CALHM5: variants seen among roughly 807,000 people sequenced by gnomAD.
CALHM5 encodes the protein calcium homeostasis modulator protein 5.
In CALHM5, 17 loss-of-function variants were observed where a neutral mutation model predicts 20.9. The ratio of observed to expected loss-of-function variants is 0.82; its 90% CI spans 0.56 to 1.22. The LOEUF (loss-of-function observed/expected upper bound fraction) is 1.22. Among genes scored for constraint, CALHM5 ranks in the 50% most tolerant of loss-of-function variants. The pLI, the probability that CALHM5 is intolerant of heterozygous loss-of-function variation, is 0.00. For synonymous variants in CALHM5, 148 were observed against 140.0 expected (o/e 1.06, Z -0.40); for missense variants, 360 against 364.6 (o/e 0.99, Z 0.10).
rs1772405351 is a variant in CALHM5 at position 116,524,331 on chromosome 6, T to C, written c.*8342T>C. The C allele has an allele frequency of 6.6e-6, 1 of 152,204 alleles. No individual in the cohort carries two copies. Among genetic ancestry groups the C allele is most frequent in the Admixed American group, 6.6e-5 (1 of 15,262 alleles). The allele number at this position is 152,204 out of a possible 1,614,324, so 9.4% of individuals were successfully genotyped here. A position where few individuals can be genotyped will look rare whatever the true frequency, so the allele number is the denominator to read the frequency against. The stretch of plus-strand genomic sequence containing the variant: ...AAGGTACACAACAAAATAAATGACA[T>C]GGTCACCTCAGTTATTTTGCTGAAG... On this transcript the variant is annotated 3_prime_UTR_variant, in exon 2 of 2. Coordinates refer to ENST00000368599, the MANE Select transcript of CALHM5 (RefSeq NM_153711.5).
Position 116,516,105 on chromosome 6 carries a change from C to A in CALHM5, c.*116C>A. On this transcript the variant is annotated 3_prime_UTR_variant, in exon 2 of 2. Coordinates refer to ENST00000368599, the MANE Select transcript of CALHM5 (RefSeq NM_153711.5). Reference sequence around the variant, plus strand: ...TTTTCTTACATTTGGAGTATGTTTACAAGACAATAACACAAAGGAAACTGC... The same window carrying A: ...TTTTCTTACATTTGGAGTATGTTTAAAAGACAATAACACAAAGGAAACTGC... The A allele has an allele frequency of 7.3e-7, 1 of 1,362,288 alleles. No homozygotes were observed. The highest frequency in any genetic ancestry group is 9.8e-7 in the Non-Finnish European group (1 of 1,023,194). The allele number at this position is 1,362,288 out of a possible 1,614,324, so 84.4% of individuals were successfully genotyped here. A position where few individuals can be genotyped will look rare whatever the true frequency, so the allele number is the denominator to read the frequency against.
In CALHM5 at chr6:116,522,753, GAT is replaced by G. The variant is rs1377236188; in HGVS notation, c.*6765_*6766del. ...GCTGGCCTTCAGTAAGCTGGAAAGAGATTGTTCTTCTAGTCGTCTCTCAAAAT... is the reference window on the plus strand; with the variant it reads ...GCTGGCCTTCAGTAAGCTGGAAAGAGTGTTCTTCTAGTCGTCTCTCAAAAT... On this transcript the variant is annotated 3_prime_UTR_variant, in exon 2 of 2. Coordinates refer to ENST00000368599, the MANE Select transcript of CALHM5 (RefSeq NM_153711.5). 1 of 152,150 alleles carries G rather than the reference GAT, an allele frequency of 6.6e-6. No homozygotes were observed. The highest frequency in any genetic ancestry group is 6.5e-5 in the Admixed American group (1 of 15,274). The allele number at this position is 152,150 out of a possible 1,614,324, so 9.4% of individuals were successfully genotyped here.
In CALHM5 at chr6:116,517,007, C is replaced by T. The variant is rs1006621629; in HGVS notation, c.*1018C>T. On this transcript the variant is annotated 3_prime_UTR_variant, in exon 2 of 2. Coordinates refer to ENST00000368599, the MANE Select transcript of CALHM5 (RefSeq NM_153711.5). ...TCCGAGGTCAGGCTGCCAGCATGCT[C>T]AGGTTCTGGTGAGAGCAATTTTCCA... is the stretch of plus-strand genomic sequence containing the variant. 6.5e-6 allele frequency: 1 copy of T among 152,696 alleles called. No individual in the cohort carries two copies. The highest frequency in any genetic ancestry group is 2.4e-5 in the African/African-American group (1 of 41,420). The allele number at this position is 152,696 out of a possible 1,614,324, so 9.5% of individuals were successfully genotyped here. A position where few individuals can be genotyped will look rare whatever the true frequency, so the allele number is the denominator to read the frequency against.
chr6:116,514,565 T>C (rs1772184972), intron 1 of CALHM5, among the ~76,000 whole-genome samples: 1 of 152,210 alleles, frequency 6.6e-6, no homozygotes, highest in South Asian at 2.1e-4. Flanking sequence ...TGAGTAACCC[T>C]CGTTTCACAA....
In CALHM5 at chr6:116,512,012, A is replaced by G; in HGVS notation, c.316A>G (p.Ser106Gly). ...FFYVLGQITL[S>G]SLVAPVMWLS... ...CTACGTCCTCGGCCAGATCACTCTGAGCTCATTGGTGGCTCCAGTGATGTG... is the reference window on the plus strand; with the variant it reads ...CTACGTCCTCGGCCAGATCACTCTGGGCTCATTGGTGGCTCCAGTGATGTG... The change falls in exon 1 of 2, where the codon AGC (serine) becomes GGC (glycine). Residue 106 changes from serine to glycine, a missense_variant. Physicochemically the swap from Ser to Gly is moderately conservative, Grantham distance 56. Coordinates refer to ENST00000368599, the MANE Select transcript of CALHM5 (RefSeq NM_153711.5). The G allele has an allele frequency of 6.2e-7, 1 of 1,613,974 alleles. No individual in the cohort carries two copies. The highest frequency in any genetic ancestry group is 8.5e-7 in the Non-Finnish European group (1 of 1,179,972).
At position 116,511,873 on chromosome 6, in the gene CALHM5, C is replaced by A; in HGVS notation, c.177C>A (p.Ala59=). The change falls in exon 1 of 2, where the codon GCC becomes GCA. Residue 59 remains alanine, a synonymous_variant. Coordinates refer to ENST00000368599, the MANE Select transcript of CALHM5 (RefSeq NM_153711.5). The part of the protein sequence containing the change: ...TYGLVFLFAP[A]WVLLILGFFL... ...GGCTGGTTTTCCTCTTTGCTCCTGC[C>A]TGGGTGTTACTGATCCTGGGATTCT... 6.2e-7 allele frequency: 1 copy of A among 1,614,068 alleles called. No homozygotes were observed. The highest frequency in any genetic ancestry group is 8.5e-7 in the Non-Finnish European group (1 of 1,179,996).
At position 116,511,649 on chromosome 6, in the gene CALHM5, C is replaced by T. The variant is rs749066082; in HGVS notation, c.-48C>T. On this transcript the variant is annotated 5_prime_UTR_variant, in exon 1 of 2. Transcript: ENST00000368599. ...CCACCCTCGGCCACTGCCACAGCTG[C>T]TCTGCCAATAACAAAGGCACAGCAT... is the stretch of plus-strand genomic sequence containing the variant. 6 of 1,566,818 alleles carry T rather than the reference C, an allele frequency of 3.8e-6. No individual in the cohort carries two copies. The highest frequency in any genetic ancestry group is 2.4e-5 in the South Asian group (2 of 84,924).
rs1319847920 is a variant in CALHM5, at chr6:116,519,485, C to T, written c.*3496C>T. ...CTCCAGAGGAGGTTACACTGCCGAACTGGGACATTGGCACCCTGGATTTGA... is the reference window on the plus strand; with the variant it reads ...CTCCAGAGGAGGTTACACTGCCGAATTGGGACATTGGCACCCTGGATTTGA... On this transcript the variant is annotated 3_prime_UTR_variant, in exon 2 of 2. Transcript: ENST00000368599. The T allele has an allele frequency of 6.6e-6, 1 of 152,210 alleles. No individual in the cohort carries two copies. Among genetic ancestry groups the T allele is most frequent in the Non-Finnish European group, 1.5e-5 (1 of 68,060 alleles). 9.4% of individuals were successfully genotyped at this position (152,210 alleles called of 1,614,324 possible).
chr6:116,516,190 G>T lies in CALHM5; in HGVS notation c.*201G>T, dbSNP rs961152924. 3 of 589,806 alleles carry T rather than the reference G, an allele frequency of 5.1e-6. No individual in the cohort carries two copies. The Admixed American group carries it at 1.2e-4, about 23-fold the overall frequency. The allele number at this position is 589,806 out of a possible 1,614,324, so 36.5% of individuals were successfully genotyped here. On this transcript the variant is annotated 3_prime_UTR_variant, in exon 2 of 2. Coordinates refer to ENST00000368599, the MANE Select transcript of CALHM5 (RefSeq NM_153711.5). Reference sequence around the variant, plus strand: ...CAAATTGATGCTGAGGGGTGACAAAGGTGCTCTTGCATTGGTGGAGAGGGG... The same window carrying T: ...CAAATTGATGCTGAGGGGTGACAAATGTGCTCTTGCATTGGTGGAGAGGGG...
At chr6:116,512,359 C>A in intron 1 of CALHM5, 123 bp downstream of exon 1, 1 of 1,088,358 alleles carries the variant, frequency 9.2e-7, no homozygotes, top group Non-Finnish European at 1.3e-6. Flanking sequence ...GAAACTGAAA[C>A]ATGATGCAGC....
intron 1 of CALHM5, among the ~76,000 whole-genome samples, chr6:116,512,630 A>G (rs1331760320): frequency 2.6e-5 from 4 of 152,220 alleles, no homozygotes; most frequent in African/African-American, 9.6e-5. Flanking sequence ...TGTTTTCTCA[A>G]ACACACACAT....
rs895174384 is a variant in CALHM5 at position 116,517,464 on chromosome 6, A to G, written c.*1475A>G. On this transcript the variant is annotated 3_prime_UTR_variant, in exon 2 of 2. Transcript: ENST00000368599. Reference sequence around the variant, plus strand: ...AAGAATTGTGCTTTAAAAAAGAACTATGTTTTGTGCTGTGGCTCATACCTT... The same window carrying G: ...AAGAATTGTGCTTTAAAAAAGAACTGTGTTTTGTGCTGTGGCTCATACCTT... 6.6e-6 allele frequency: 1 copy of G among 152,136 alleles called. No homozygotes were observed. Among genetic ancestry groups the G allele is most frequent in the Non-Finnish European group, 1.5e-5 (1 of 68,002 alleles). 9.4% of individuals were successfully genotyped at this position (152,136 alleles called of 1,614,324 possible).
Position 116,511,993 on chromosome 6 carries a change from C to T in CALHM5, c.297C>T (p.Val99=). ...GCCACAGCTGCCGTTTCTTCTACGT[C>T]CTCGGCCAGATCACTCTGAGCTCAT... ...PRGHSCRFFY[V]LGQITLSSLV... is the part of the protein sequence containing the mutation. Residue 99 remains valine (V), a synonymous_variant, in exon 1 of 2, where the codon GTC becomes GTT. Coordinates refer to ENST00000368599, the MANE Select transcript of CALHM5 (RefSeq NM_153711.5). 6.2e-7 allele frequency: 1 copy of T among 1,614,046 alleles called. No individual in the cohort carries two copies. Among genetic ancestry groups the T allele is most frequent in the Non-Finnish European group, 8.5e-7 (1 of 1,179,986 alleles).
chr6:116,513,064 T>C (rs1352580137), intron 1 of CALHM5, among the ~76,000 whole-genome samples: 1 of 152,118 alleles, frequency 6.6e-6, no homozygotes, highest in African/African-American at 2.4e-5. Flanking sequence ...CATTTATAGG[T>C]AGTAAGAATT....
chr6:116,524,341 A>C lies in CALHM5; in HGVS notation c.*8352A>C, dbSNP rs1772405526. ...ACAAAATAAATGACATGGTCACCTC[A>C]GTTATTTTGCTGAAGTTTTGTCAAT... On this transcript the variant is annotated 3_prime_UTR_variant, in exon 2 of 2. Coordinates refer to ENST00000368599, the MANE Select transcript of CALHM5 (RefSeq NM_153711.5). 3 of 152,186 alleles carry C rather than the reference A, an allele frequency of 2.0e-5. No individual in the cohort carries two copies. The highest frequency in any genetic ancestry group is 1.3e-4 in the Admixed American group (2 of 15,268). The allele number at this position is 152,186 out of a possible 1,614,324, so 9.4% of individuals were successfully genotyped here.
At chr6:116,515,137 G>C (rs1772197692) in intron 1 of CALHM5, among the ~76,000 whole-genome samples, 2 of 151,976 alleles carry the variant, frequency 1.3e-5, no homozygotes, top group South Asian at 4.1e-4. Context: ...CTTTTCCATG[G>C]ACAGTAAGTA....
In CALHM5 at chr6:116,512,010, T is replaced by A; in HGVS notation, c.314T>A (p.Leu105Gln). Residue 105 changes from leucine to glutamine, a missense_variant, in exon 1 of 2, where the codon CTG becomes CAG. Transcript: ENST00000368599. ...TTCTACGTCCTCGGCCAGATCACTC[T>A]GAGCTCATTGGTGGCTCCAGTGATG... is the stretch of plus-strand genomic sequence containing the variant. ...RFFYVLGQIT[L>Q]SSLVAPVMWL... 6.2e-7 allele frequency: 1 copy of A among 1,614,064 alleles called. No individual in the cohort carries two copies. Among genetic ancestry groups the A allele is most frequent in the Non-Finnish European group, 8.5e-7 (1 of 1,179,968 alleles).
chr6:116,516,931 T>C lies in CALHM5; in HGVS notation c.*942T>C, dbSNP rs1012498474. On this transcript the variant is annotated 3_prime_UTR_variant, in exon 2 of 2. Coordinates refer to ENST00000368599, the MANE Select transcript of CALHM5 (RefSeq NM_153711.5). ...ACTATAACAAAATATCATAGATAGG[T>C]GGCTTATACAAAATAGAAATTTATT... is the stretch of plus-strand genomic sequence containing the variant. 6.6e-6 allele frequency: 1 copy of C among 152,444 alleles called. No individual in the cohort carries two copies. The highest frequency in any genetic ancestry group is 2.4e-5 in the African/African-American group (1 of 41,380). 9.4% of individuals were successfully genotyped at this position (152,444 alleles called of 1,614,324 possible).
rs1313361889 is a variant in CALHM5, at chr6:116,522,754, A to T, written c.*6765A>T. On this transcript the variant is annotated 3_prime_UTR_variant, in exon 2 of 2. Transcript: ENST00000368599. Reference sequence around the variant, plus strand: ...CTGGCCTTCAGTAAGCTGGAAAGAGATTGTTCTTCTAGTCGTCTCTCAAAA... The same window carrying T: ...CTGGCCTTCAGTAAGCTGGAAAGAGTTTGTTCTTCTAGTCGTCTCTCAAAA... The T allele has an allele frequency of 1.3e-5, 2 of 152,146 alleles. No individual in the cohort carries two copies. The highest frequency in any genetic ancestry group is 4.8e-5 in the African/African-American group (2 of 41,444). 9.4% of individuals were successfully genotyped at this position (152,146 alleles called of 1,614,324 possible). A position where few individuals can be genotyped will look rare whatever the true frequency, so the allele number is the denominator to read the frequency against.
Sources: gnomAD v4.1 joint callset for allele counts (sites outside exome capture counted in the v4.1 genomes callset) on GRCh38, gnomAD v4.1.1 for gene constraint, MANE v1.5 for transcripts, NCBI Gene and HGNC (gene_info 2026-07-23, HGNC 2026-07-21) for gene names.